The following PABPC1 variants were observed in gnomAD, a reference collection of about 807,000 sequenced individuals.
PABPC1 encodes the protein polyadenylate-binding protein 1.
In PABPC1, 4 loss-of-function variants were observed where a neutral mutation model predicts 74.0. The observed-to-expected ratio is 0.05, with a 90% CI of 0.03 to 0.12. The LOEUF (loss-of-function observed/expected upper bound fraction) is 0.12. Among genes scored for constraint, PABPC1 ranks in the 10% least tolerant of loss-of-function variants. The probability of loss-of-function intolerance (pLI) is 1.00; values close to 1 mark genes in which losing one functional copy is unlikely to be tolerated. For missense variants in PABPC1, 271 were observed against 821.1 expected, an observed-to-expected ratio of 0.33 and a Z score of 8.19; for synonymous variants, 227 against 264.1, an observed-to-expected ratio of 0.86 and a Z score of 1.36.
intron 5 of PABPC1, 125 bp from the exon 6 acceptor site, chr8:100,712,914 A>G: frequency 8.1e-7 from 1 of 1,234,076 alleles, no homozygotes; most frequent in Non-Finnish European, 1.1e-6. Flanking sequence ...CCAAAATCTC[A>G]AGGTTTTGGG....
intron 6 of PABPC1, 47 bp from the exon 7 acceptor site, chr8:100,712,504 A>G (rs1296355961): frequency 1.4e-6 from 2 of 1,470,788 alleles, no homozygotes; most frequent in Non-Finnish European, 9.3e-7. Context: ...CCATGGTGGT[A>G]CCTAAGTACA....
chr8:100,717,010 GTATT>G (rs952045182), intron 3 of PABPC1, among the ~76,000 whole-genome samples: 8 of 151,190 alleles, frequency 5.3e-5, no homozygotes, highest in Non-Finnish European at 1.0e-4. Flanking sequence ...GCATTTGTGA[GTATT>G]TATTTATTTT....
intron 6 of PABPC1, 95 bp downstream of exon 6, chr8:100,712,557 T>C (rs573714540): frequency 6.6e-7 from 1 of 1,505,252 alleles, no homozygotes; most frequent in Admixed American, 2.0e-5. Context: ...CCTATTCCCC[T>C]CTCAAACCCT....
In PABPC1 at chr8:100,715,467, T is replaced by C; in HGVS notation, c.638A>G (p.Lys213Arg). 6.3e-7 allele frequency: 1 copy of C among 1,598,532 alleles called. No individual in the cohort carries two copies. The highest frequency in any genetic ancestry group is 8.5e-7 in the Non-Finnish European group (1 of 1,171,066). The change falls in exon 4 of 15, where the codon AAG becomes AGG. Residue 213 changes from lysine (K) to arginine (R), a missense_variant. Physicochemically the swap from Lys to Arg is conservative, Grantham distance 26. Coordinates refer to ENST00000318607, the MANE Select transcript of PABPC1 (RefSeq NM_002568.4). ...ATTTAATTAAGACACATTACCAAAC[T>C]TGCCAAAGAGATCCTTAAGGCGCTC... ...DDERLKDLFG[K>R]FGPALSVKVM...
At chr8:100,713,321 G>A (rs1810578360) in intron 4 of PABPC1, 140 bp from the exon 5 acceptor site, 2 of 508,910 alleles carry the variant, frequency 3.9e-6, no homozygotes, top group Non-Finnish European at 6.9e-6. Flanking sequence ...CTATGCCCCA[G>A]GTAGGTATAC....
At chr8:100,705,454 C>G (rs1267581482) in intron 12 of PABPC1, 135 bp downstream of exon 12, 1 of 721,636 alleles carries the variant, frequency 1.4e-6, no homozygotes, top group African/African-American at 1.7e-5. Flanking sequence ...GGCAGACCAA[C>G]TGTACTATCA....
intron 1 of PABPC1, among the ~76,000 whole-genome samples, chr8:100,719,924 A>G (rs1301663893): frequency 6.6e-6 from 1 of 152,250 alleles, no homozygotes; most frequent in African/African-American, 2.4e-5. Context: ...TACTGCTTAC[A>G]GAGCAAAAGG....
rs1404059500 is a variant in PABPC1 at position 100,721,252 on chromosome 8, G to C, written c.193+139C>G. 1.5e-5 allele frequency: 4 copies of C among 266,672 alleles called. No individual in the cohort carries two copies. The highest frequency in any genetic ancestry group is 6.0e-6 in the Non-Finnish European group (1 of 167,412). 16.5% of individuals were successfully genotyped at this position (266,672 alleles called of 1,614,324 possible). The stretch of plus-strand genomic sequence containing the variant: ...GGGAAACGCGGCTCCAGGGACCCCG[G>C]CGCCTTCCCGCCGGCCGTCGCGGGG... On this transcript the variant is annotated intron_variant, in intron 1 of 14. Transcript: ENST00000318607. The surrounding 1 kb of genome is among the most constrained non-coding windows in gnomAD (Gnocchi z 7.4).
At chr8:100,708,854 G>C (rs1810452230) in intron 9 of PABPC1, among the ~76,000 whole-genome samples, 1 of 148,354 alleles carries the variant, frequency 6.7e-6, no homozygotes, top group Admixed American at 6.7e-5. Context: ...CTCGAGCCTG[G>C]GGCAACAGAG....
intron 13 of PABPC1, 84 bp downstream of exon 13, chr8:100,704,842 G>A (rs1439191080): frequency 3.0e-6 from 4 of 1,336,948 alleles, no homozygotes; most frequent in East Asian, 2.3e-5. Flanking sequence ...ATAACACGAT[G>A]TAAGTGTTCT....
chr8:100,708,721 C>T (rs186196134), intron 9 of PABPC1, among the ~76,000 whole-genome samples: 174 of 149,528 alleles, frequency 1.2e-3, no homozygotes, highest in African/African-American at 3.2e-3. Context: ...ACTAATAATG[C>T]GTAAGTTAGC....
In PABPC1 at chr8:100,721,954, G is replaced by C. The variant is rs1810845858; in HGVS notation, c.-371C>G. On this transcript the variant is annotated 5_prime_UTR_variant, in exon 1 of 15. It adds an upstream start codon to the 5' untranslated region. Coordinates refer to ENST00000318607, the MANE Select transcript of PABPC1 (RefSeq NM_002568.4). The surrounding 1 kb of genome is among the most constrained non-coding windows in gnomAD (Gnocchi z 7.4). ...AAAAGTCTCCGGCGGGGGAGACGCG[G>C]ATTTTTTGTAAATTTTTTTGGGGTT... 2 of 197,062 alleles carry C rather than the reference G, an allele frequency of 1.0e-5. No individual in the cohort carries two copies. The allele number at this position is 197,062 out of a possible 1,614,324, so 12.2% of individuals were successfully genotyped here.
intron 1 of PABPC1, among the ~76,000 whole-genome samples, chr8:100,720,915 C>A (rs1478066477): frequency 6.6e-6 from 1 of 152,176 alleles, no homozygotes; most frequent in South Asian, 2.1e-4. Flanking sequence ...AGGCCTCGGG[C>A]CTGCGAGGTT....
intron 14 of PABPC1, 79 bp from the exon 15 acceptor site, chr8:100,703,438 T>C (rs1810296966): frequency 6.6e-6 from 1 of 152,452 alleles, no homozygotes; most frequent in Admixed American, 6.5e-5. Flanking sequence ...CCAAATGCAA[T>C]GTGGTTGTTT....
At chr8:100,703,500 C>T (rs1209788255) in intron 14 of PABPC1, 141 bp from the exon 15 acceptor site, 2 of 152,220 alleles carry the variant, frequency 1.3e-5, no homozygotes, top group Non-Finnish European at 2.9e-5. Flanking sequence ...TGTATACATA[C>T]TATCTATGGT....
chr8:100,709,266 A>G, intron 8 of PABPC1, 43 bp from the exon 9 acceptor site: 2 of 1,564,118 alleles, frequency 1.3e-6, no homozygotes, highest in Non-Finnish European at 1.8e-6. Flanking sequence ...TTGAAGAAAA[A>G]AGCAAATAAT....
At chr8:100,715,253 C>T (rs1463111409) in intron 4 of PABPC1, among the ~76,000 whole-genome samples, 1 of 151,986 alleles carries the variant, frequency 6.6e-6, no homozygotes, top group South Asian at 2.1e-4. Context: ...TGCTATTAAC[C>T]TTTAACCTGG....
intron 4 of PABPC1, 38 bp downstream of exon 4, chr8:100,715,424 A>C (rs1363183221): frequency 6.5e-7 from 1 of 1,549,272 alleles, no homozygotes; most frequent in African/African-American, 1.4e-5. Context: ...GCACTAATTC[A>C]GAGCTTTGTG....
chr8:100,711,195 G>A (rs112654597), intron 7 of PABPC1, among the ~76,000 whole-genome samples: 4 of 152,050 alleles, frequency 2.6e-5, no homozygotes, highest in East Asian at 1.9e-4. Flanking sequence ...CAGGAGAATC[G>A]CTTGAACCCG....
Sources: allele counts gnomAD v4.1 joint callset (sites outside exome capture counted in the v4.1 genomes callset), GRCh38; gene constraint gnomAD v4.1.1; non-coding constraint Gnocchi (gnomAD v3.1); transcripts MANE v1.5; gene names NCBI Gene and HGNC (gene_info 2026-07-23, HGNC 2026-07-21).